Variants in CCM2 observed in about 807,000 individuals in gnomAD.
The protein encoded by CCM2 is CCM2 scaffold protein, also known as cerebral cavernous malformations 2 protein.
In CCM2, 25 loss-of-function variants were observed where a neutral mutation model predicts 44.9. The ratio of observed to expected loss-of-function variants is 0.56; its 90% CI spans 0.41 to 0.78. CCM2 has a LOEUF of 0.78. CCM2 is among the 30% of genes least tolerant of loss of function. CCM2 has a pLI of 0.00. For synonymous variants in CCM2, 219 were observed against 241.1 expected (o/e 0.91, Z 0.85); for missense variants, 481 against 580.6 (o/e 0.83, Z 1.76).
chr7:45,017,067 C>A (rs1311469070), intron 1 of CCM2, among the ~76,000 whole-genome samples: 1 of 152,210 alleles, frequency 6.6e-6, no homozygotes, highest in Non-Finnish European at 1.5e-5. Context: ...CTGCATCTGG[C>A]CCAAACATTC....
chr7:45,059,418 TAAAA>T (rs55678662), intron 2 of CCM2, among the ~76,000 whole-genome samples: 1 of 131,538 alleles, frequency 7.6e-6, no homozygotes, highest in Non-Finnish European at 1.6e-5. Flanking sequence ...CCCTGTCTGT[TAAAA>T]AAAAAAAAAA....
chr7:45,008,779 A>G (rs1795950573), intron 1 of CCM2, among the ~76,000 whole-genome samples: 1 of 152,128 alleles, frequency 6.6e-6, no homozygotes, highest in African/African-American at 2.4e-5. Context: ...TAGCTAATTT[A>G]TTACTGCCAT....
intron 2 of CCM2, among the ~76,000 whole-genome samples, chr7:45,062,849 C>T (rs906622044): frequency 3.3e-5 from 5 of 149,654 alleles, no homozygotes; most frequent in African/African-American, 9.9e-5. Context: ...AAAATCGTAT[C>T]GTTCTGGAGG....
intron 2 of CCM2, among the ~76,000 whole-genome samples, chr7:45,049,193 G>A (rs1797889678): frequency 6.6e-6 from 1 of 152,194 alleles, no homozygotes; most frequent in African/African-American, 2.4e-5. Flanking sequence ...CTGTGCTCAA[G>A]CGATCCTCCT....
At chr7:45,063,408 G>C (rs928179741) in intron 2 of CCM2, among the ~76,000 whole-genome samples, 7 of 152,160 alleles carry the variant, frequency 4.6e-5, no homozygotes, top group Non-Finnish European at 8.8e-5. Flanking sequence ...TAACACTGTT[G>C]CATGTGGGGA....
intron 1 of CCM2, among the ~76,000 whole-genome samples, chr7:45,018,751 GTTT>G (rs1311845547): frequency 6.7e-6 from 1 of 149,550 alleles, no homozygotes; most frequent in Non-Finnish European, 1.5e-5. Flanking sequence ...TTATTTGACA[GTTT>G]TAAGAATTTC....
In CCM2 at chr7:45,064,557, A is replaced by C; in HGVS notation, c.383A>C (p.Glu128Ala). 6.2e-7 allele frequency: 1 copy of C among 1,613,942 alleles called. No homozygotes were observed. The highest frequency in any genetic ancestry group is 8.5e-7 in the Non-Finnish European group (1 of 1,180,012). The change falls in exon 4 of 10, where the codon GAG (glutamate) becomes GCG (alanine). Residue 128 changes from glutamate to alanine, a missense_variant. By Grantham distance (107) the Glu-to-Ala change is moderately radical. Coordinates refer to ENST00000258781, the MANE Select transcript of CCM2 (RefSeq NM_031443.4). ...YNVKLAWRDG[E>A]DIILRVPIHD... ...GTCAAGCTGGCCTGGAGGGACGGGGAGGATATCATCCTCAGGGTGCCCATC... is the reference window on the plus strand; with the variant it reads ...GTCAAGCTGGCCTGGAGGGACGGGGCGGATATCATCCTCAGGGTGCCCATC...
Position 45,069,890 on chromosome 7 carries a change from C to G in CCM2, c.674C>G (p.Thr225Ser). The G allele has an allele frequency of 6.2e-7, 1 of 1,614,208 alleles. No homozygotes were observed. ...TTCCAGGTTGTTTACACGGAGTCCA[C>G]CATCGACTTTCTGGACAGAGCGATA... ...QVFQVVYTESTIDFLDRAIFD... is the reference protein window; with the variant it reads ...QVFQVVYTESSIDFLDRAIFD... Residue 225 changes from threonine to serine, a missense_variant, in exon 6 of 10, where the codon ACC becomes AGC. Thr to Ser is a moderately conservative substitution (Grantham distance 58, BLOSUM62 1). Transcript: ENST00000258781.
chr7:45,068,387 G>C, intron 4 of CCM2, 56 bp from the exon 5 acceptor site: 1 of 1,611,904 alleles, frequency 6.2e-7, no homozygotes, highest in Non-Finnish European at 8.5e-7. Context: ...GTTTCCTCAA[G>C]TGCCCCCATG....
chr7:45,001,917 T>C (rs755588826), intron 1 of CCM2, among the ~76,000 whole-genome samples: 3 of 152,218 alleles, frequency 2.0e-5, no homozygotes, highest in Admixed American at 6.5e-5. Flanking sequence ...TCAGTTGTTA[T>C]GTAGTTGCTT....
At chr7:45,024,212 C>A (rs952096399) in intron 1 of CCM2, among the ~76,000 whole-genome samples, 3 of 152,160 alleles carry the variant, frequency 2.0e-5, no homozygotes, top group Non-Finnish European at 4.4e-5. Flanking sequence ...GTCTCTTCAG[C>A]TGATTATAAT....
At chr7:45,033,560 C>G (rs1285008566) in intron 1 of CCM2, among the ~76,000 whole-genome samples, 1 of 152,190 alleles carries the variant, frequency 6.6e-6, no homozygotes, top group Admixed American at 6.5e-5. Context: ...GTCCATGACA[C>G]AGCTAGTTAT....
chr7:45,007,186 A>G (rs1290164553), intron 1 of CCM2, among the ~76,000 whole-genome samples: 1 of 152,168 alleles, frequency 6.6e-6, no homozygotes, highest in Non-Finnish European at 1.5e-5. Flanking sequence ...AAATCACAGC[A>G]CACTCTTTGT....
At position 45,068,515 on chromosome 7, in the gene CCM2, T is replaced by C; in HGVS notation, c.545T>C (p.Leu182Pro). 6.2e-7 allele frequency: 1 copy of C among 1,614,154 alleles called. No individual in the cohort carries two copies. The highest frequency in any genetic ancestry group is 8.5e-7 in the Non-Finnish European group (1 of 1,180,016). Residue 182 changes from leucine (L) to proline (P), a missense_variant, in exon 5 of 10, where the codon CTG (leucine) becomes CCG (proline). Transcript: ENST00000258781. ...ESSRGLSAGS[L>P]SESAVGPVEA... Reference sequence around the variant, plus strand: ...TCCAGAGGCCTCAGTGCAGGCTCCCTGTCGGAGAGTGCAGTTGGGCCCGTG... The same window carrying C: ...TCCAGAGGCCTCAGTGCAGGCTCCCCGTCGGAGAGTGCAGTTGGGCCCGTG...
At chr7:45,038,020 C>T (rs532940567) in intron 1 of CCM2, among the ~76,000 whole-genome samples, 1 of 152,246 alleles carries the variant, frequency 6.6e-6, no homozygotes, top group East Asian at 1.9e-4. Context: ...GAACAAGGTG[C>T]CTCCATGCCA....
At chr7:45,067,363 A>G (rs1428892323) in intron 4 of CCM2, among the ~76,000 whole-genome samples, 1 of 151,244 alleles carries the variant, frequency 6.6e-6, no homozygotes, top group Non-Finnish European at 1.5e-5. Context: ...GGGTTTCACC[A>G]TGTTGGCCAG....
rs143416985 is a variant in CCM2 at position 45,010,268 on chromosome 7, G to A, written c.30+9905G>A. On this transcript the variant is annotated intron_variant, in intron 1 of 9. Coordinates refer to ENST00000258781, the MANE Select transcript of CCM2 (RefSeq NM_031443.4). ...AATTTTGACAAATGCATACTCCTAC[G>A]TAACTGAAACCCCTACTAAGAAATA... 1.3e-3 allele frequency among the ~76,000 whole-genome samples: 192 copies of A among 152,174 alleles called. No individual in the cohort carries two copies. The East Asian group carries it at 0.031, about 25-fold the overall frequency.
intron 2 of CCM2, among the ~76,000 whole-genome samples, chr7:45,038,754 G>T (rs1797345346): frequency 6.6e-6 from 1 of 152,240 alleles, no homozygotes; most frequent in African/African-American, 2.4e-5. Flanking sequence ...GTAGTTTGCA[G>T]TTGAAAAGAG....
chr7:45,043,425 C>G (rs1042625993), intron 2 of CCM2, among the ~76,000 whole-genome samples: 12 of 152,150 alleles, frequency 7.9e-5, no homozygotes, highest in African/African-American at 2.7e-4. Context: ...AAAATTATAC[C>G]TACTGTGGCT....
Sources: allele counts gnomAD v4.1 joint callset (sites outside exome capture counted in the v4.1 genomes callset), GRCh38; gene constraint gnomAD v4.1.1; transcripts MANE v1.5; gene names NCBI Gene and HGNC (gene_info 2026-07-23, HGNC 2026-07-21).